Variants in CCSER1 observed in about 807,000 individuals in gnomAD.
CCSER1 encodes the protein serine-rich coiled-coil domain-containing protein 1.
CCSER1 carries 41 observed loss-of-function variants against 82.0 expected under a neutral mutation model. That is an observed-to-expected ratio of 0.50 (90% CI 0.39 to 0.65). The LOEUF is 0.65. Among genes scored for constraint, CCSER1 ranks in the 30% least tolerant of loss-of-function variants. The pLI, the probability that CCSER1 is intolerant of heterozygous loss-of-function variation, is 0.00. For synonymous variants in CCSER1, 414 were observed against 383.9 expected, an observed-to-expected ratio of 1.08 and a Z score of -0.92; for missense variants, 1,119 against 1,064.2, an observed-to-expected ratio of 1.05 and a Z score of -0.72.
At chr4:91,216,036 C>G (rs185208747) in intron 10 of CCSER1, among the ~76,000 whole-genome samples, 1 of 152,238 alleles carries the variant, frequency 6.6e-6, no homozygotes, top group East Asian at 1.9e-4. Flanking sequence ...ACACTTTGTC[C>G]TTCTCAAAAC....
chr4:90,597,568 G>T lies in CCSER1; in HGVS notation c.1725-30457G>T, dbSNP rs144757310. Among the ~76,000 whole-genome samples, 1,360 of 151,754 alleles carry T rather than the reference G, an allele frequency of 9.0e-3. 18 individuals are homozygous for T. Among genetic ancestry groups the T allele is most frequent in the Middle Eastern group, 0.044 (13 of 294 alleles). On this transcript the variant is annotated intron_variant, in intron 5 of 10. Transcript: ENST00000509176. ...ATACATTTGACTGTGTATATTTGAG[G>T]TTTACAACATGTTATGAGATACATA...
At chr4:91,132,609 C>T (rs900539971) in intron 10 of CCSER1, among the ~76,000 whole-genome samples, 2 of 152,168 alleles carry the variant, frequency 1.3e-5, no homozygotes, top group Non-Finnish European at 2.9e-5. Flanking sequence ...AACATCCCTC[C>T]CTTCAAGGAG....
intron 10 of CCSER1, among the ~76,000 whole-genome samples, chr4:91,262,862 A>AC (rs397994489): frequency 1.3e-5 from 2 of 151,680 alleles, no homozygotes; most frequent in Non-Finnish European, 2.9e-5. Context: ...GAAAAAAAAA[A>AC]CAAACATATT....
At position 90,890,338 on chromosome 4, in the gene CCSER1, C is replaced by G. The variant is rs995876958; in HGVS notation, c.2095-33032C>G. Among the ~76,000 whole-genome samples the G allele has an allele frequency of 8.5e-5, 13 of 152,276 alleles. No individual in the cohort carries two copies. The East Asian group carries it at 1.7e-3, about 20-fold the overall frequency. ...TAAGGATTAGACTCTAAACTCCTAT[C>G]CGGATAAATTGTAGCAGATGCTACT... On this transcript the variant is annotated intron_variant, in intron 8 of 10. Transcript: ENST00000509176.
chr4:90,398,916 A>G (rs1323174271), intron 3 of CCSER1, among the ~76,000 whole-genome samples: 1 of 152,112 alleles, frequency 6.6e-6, no homozygotes, highest in Non-Finnish European at 1.5e-5. Context: ...CTTACTTTTA[A>G]ACCCAAGGAC....
intron 5 of CCSER1, among the ~76,000 whole-genome samples, chr4:90,477,986 C>G (rs1578679187): frequency 6.6e-6 from 1 of 152,030 alleles, no homozygotes; most frequent in Non-Finnish European, 1.5e-5. Context: ...AAAGAAAGAT[C>G]TGAAAACTTG....
At chr4:90,412,042 T>G (rs1191209408) in intron 4 of CCSER1, among the ~76,000 whole-genome samples, 2 of 151,944 alleles carry the variant, frequency 1.3e-5, no homozygotes, top group Non-Finnish European at 2.9e-5. Flanking sequence ...CTATTCACAA[T>G]AGCAAAGACT....
intron 7 of CCSER1, among the ~76,000 whole-genome samples, chr4:90,730,532 T>C (rs1744513053): frequency 6.6e-6 from 1 of 152,052 alleles, no homozygotes; most frequent in Non-Finnish European, 1.5e-5. Context: ...GCATTAATGG[T>C]GTTTGGGTTC....
intron 5 of CCSER1, among the ~76,000 whole-genome samples, chr4:90,622,481 A>C (rs567915105): frequency 1.3e-5 from 2 of 152,112 alleles, no homozygotes; most frequent in South Asian, 4.2e-4. Flanking sequence ...AAGTGTTCTC[A>C]TTATTCAATT....
rs72881613 is a variant in CCSER1, at chr4:90,325,740, C to T, written c.1509+12693C>T. ...CATTATTCATTTTAGACAATGAAGA[C>T]GATTTATTTTATACTTATTTTATGG... On this transcript the variant is annotated intron_variant, in intron 3 of 10. Transcript: ENST00000509176. 4.4e-3 allele frequency: 1,609 copies of T among 361,968 alleles called. 19 individuals carry two copies. Among genetic ancestry groups the T allele is most frequent in the African/African-American group, 0.031 (1,468 of 47,686 alleles). The allele number at this position is 361,968 out of a possible 1,614,324, so 22.4% of individuals were successfully genotyped here.
chr4:90,602,600 C>G (rs1784155365), intron 5 of CCSER1, among the ~76,000 whole-genome samples: 1 of 152,126 alleles, frequency 6.6e-6, no homozygotes, highest in East Asian at 1.9e-4. Flanking sequence ...AACTGCCAGG[C>G]TACATTTCCA....
intron 1 of CCSER1, among the ~76,000 whole-genome samples, chr4:90,128,744 C>A (rs1179125308): frequency 6.6e-6 from 1 of 151,978 alleles, no homozygotes; most frequent in Non-Finnish European, 1.5e-5. Context: ...AGGAGGTATC[C>A]AGAGTGAGAA....
At chr4:90,818,877 G>GA (rs1197221083) in intron 8 of CCSER1, among the ~76,000 whole-genome samples, 3 of 151,918 alleles carry the variant, frequency 2.0e-5, no homozygotes. Context: ...AGATACCCAG[G>GA]AAAAAAACAA....
chr4:90,430,791 T>G (rs1758164462), intron 4 of CCSER1, among the ~76,000 whole-genome samples: 2 of 151,984 alleles, frequency 1.3e-5, no homozygotes, highest in Non-Finnish European at 2.9e-5. Flanking sequence ...AAAATAGGAC[T>G]AATGAAATTT....
intron 4 of CCSER1, among the ~76,000 whole-genome samples, chr4:90,464,810 T>G (rs187701749): frequency 6.6e-6 from 1 of 152,382 alleles, no homozygotes; most frequent in East Asian, 1.9e-4. Context: ...AATTGTCTGC[T>G]GTTCCATAAT....
chr4:90,539,776 C>T (rs527870234), intron 5 of CCSER1, among the ~76,000 whole-genome samples: 4 of 152,102 alleles, frequency 2.6e-5, no homozygotes, highest in African/African-American at 7.2e-5. Flanking sequence ...ATCATCCAAC[C>T]GACTGGCTAA....
At chr4:90,756,785 T>C (rs1428958429) in intron 7 of CCSER1, among the ~76,000 whole-genome samples, 1 of 152,236 alleles carries the variant, frequency 6.6e-6, no homozygotes, top group African/African-American at 2.4e-5. Context: ...AATATCTAGC[T>C]AAGTGCCTTG....
chr4:90,873,480 C>A lies in CCSER1; in HGVS notation c.2095-49890C>A, dbSNP rs78020924. ...GTTCTATTTTACTATCTTGTTCCACCTCCCCAGTTCTTGTAAATATGAAAC... is the reference window on the plus strand; with the variant it reads ...GTTCTATTTTACTATCTTGTTCCACATCCCCAGTTCTTGTAAATATGAAAC... On this transcript the variant is annotated intron_variant, in intron 8 of 10. Coordinates refer to ENST00000509176, the MANE Select transcript of CCSER1 (RefSeq NM_001145065.2). Among the ~76,000 whole-genome samples the A allele has an allele frequency of 5.0e-4, 76 of 152,174 alleles. 1 individual carries two copies. The East Asian group carries it at 0.012, about 24-fold the overall frequency.
At chr4:90,494,844 G>A (rs1578797002) in intron 5 of CCSER1, among the ~76,000 whole-genome samples, 1 of 149,192 alleles carries the variant, frequency 6.7e-6, no homozygotes, top group East Asian at 2.0e-4. Context: ...GACAGGAAAT[G>A]GATATCCTGG....
Sources: allele counts gnomAD v4.1 joint callset (sites outside exome capture counted in the v4.1 genomes callset), GRCh38; gene constraint gnomAD v4.1.1; transcripts MANE v1.5; gene names NCBI Gene and HGNC (gene_info 2026-07-23, HGNC 2026-07-21).